PARP16: variants seen among roughly 807,000 people sequenced by gnomAD.
PARP16 encodes protein mono-ADP-ribosyltransferase PARP16.
A neutral mutation model predicts 35.0 loss-of-function variants in PARP16; 31 were observed. The ratio of observed to expected loss-of-function variants is 0.88; its 90% CI spans 0.66 to 1.19. The LOEUF (loss-of-function observed/expected upper bound fraction) is 1.19. Ranked by LOEUF, PARP16 falls within the 50% of genes most tolerant of loss-of-function variation. The pLI, the probability that PARP16 is intolerant of heterozygous loss-of-function variation, is 0.00. For missense variants in PARP16, 424 were observed against 411.2 expected (o/e 1.03, Z -0.27); for synonymous variants, 162 against 169.5 (o/e 0.96, Z 0.34).
chr15:65,257,626 T>C (rs2140814212), downstream of PARP16, among the ~76,000 whole-genome samples: 1 of 89,546 alleles, frequency 1.1e-5, no homozygotes, highest in African/African-American at 5.1e-5. Flanking sequence ...CAAGACTCTG[T>C]CTCAAAAAAA....
Position 65,267,678 on chromosome 15 carries a change from C to CTTTTTTTTTTTTTTTTTT in PARP16, c.313-928_313-911dup, listed in dbSNP as rs556058787. On this transcript the variant is annotated intron_variant, in intron 2 of 5. Transcript: ENST00000649807. The stretch of plus-strand genomic sequence containing the variant: ...TGGAGATCACTTCTAATTTTCCTAA[C>CTTTTTTTTTTTTTTTTTT]TTTTTTTTTTTTTTTTTTTTTTTTT... 3.8e-5 allele frequency among the ~76,000 whole-genome samples: 2 copies of CTTTTTTTTTTTTTTTTTT among 53,034 alleles called. 1 individual carries two copies. Among genetic ancestry groups the CTTTTTTTTTTTTTTTTTT allele is most frequent in the Non-Finnish European group, 6.5e-5 (2 of 30,780 alleles). The allele number at this position is 53,034 out of a possible 152,430, so 34.8% of individuals were successfully genotyped here.
downstream of PARP16, among the ~76,000 whole-genome samples, chr15:65,256,365 T>C (rs754229762): frequency 1.6e-4 from 24 of 152,000 alleles, no homozygotes; most frequent in Non-Finnish European, 3.1e-4. Context: ...ATCTCATCAT[T>C]TTCTTGCTTA....
downstream of PARP16, among the ~76,000 whole-genome samples, chr15:65,255,812 G>A (rs1472019415): frequency 6.7e-6 from 1 of 150,086 alleles, no homozygotes; most frequent in Non-Finnish European, 1.5e-5. Context: ...GCCGGAATGA[G>A]AGGCCCACTC....
chr15:65,277,014 TTAAATTCAAATTTAAC>T (rs2090280459), intron 1 of PARP16, among the ~76,000 whole-genome samples: 1 of 152,154 alleles, frequency 6.6e-6, no homozygotes, highest in Non-Finnish European at 1.5e-5. Context: ...GTTGCTCATC[TTAAATTCAAATTTAAC>T]TAGGTGGCCT....
At chr15:65,280,874 A>G (rs2090401910) in intron 1 of PARP16, among the ~76,000 whole-genome samples, 1 of 152,212 alleles carries the variant, frequency 6.6e-6, no homozygotes, top group Admixed American at 6.5e-5. Flanking sequence ...TTGGCACCCC[A>G]AATGAGAACA....
intron 3 of PARP16, among the ~76,000 whole-genome samples, chr15:65,246,904 T>C (rs1479741131): frequency 6.6e-6 from 1 of 152,168 alleles, no homozygotes; most frequent in Non-Finnish European, 1.5e-5. Flanking sequence ...AACCCAACAT[T>C]TGTAAGATAT....
chr15:65,259,775 G>C (rs899091260), intron 5 of PARP16, among the ~76,000 whole-genome samples: 1 of 152,174 alleles, frequency 6.6e-6, no homozygotes, highest in East Asian at 1.9e-4. Context: ...TATGCAATGA[G>C]CTCATCCTGA....
chr15:65,284,337 CTTTTTTTTTTT>C (rs34254507), intron 1 of PARP16, among the ~76,000 whole-genome samples: 13 of 67,078 alleles, frequency 1.9e-4, no homozygotes, highest in Middle Eastern at 0.01. Context: ...TTTCTTTCCT[CTTTTTTTTTTT>C]TTTTTTTTTT....
intron 1 of PARP16, among the ~76,000 whole-genome samples, chr15:65,272,966 TG>T (rs879317279): frequency 6.6e-6 from 1 of 152,106 alleles, no homozygotes; most frequent in Non-Finnish European, 1.5e-5. Context: ...TTGCAAGGGA[TG>T]TAGTTGGCAC....
At chr15:65,254,680 G>A (rs1451622681), downstream of PARP16, among the ~76,000 whole-genome samples, 1 of 152,188 alleles carries the variant, frequency 6.6e-6, no homozygotes, top group African/African-American at 2.4e-5. Flanking sequence ...GATGAATGCT[G>A]CTGACTCCAT....
intron 1 of PARP16, among the ~76,000 whole-genome samples, chr15:65,278,678 C>T (rs1030006457): frequency 6.6e-6 from 1 of 152,106 alleles, no homozygotes; most frequent in African/African-American, 2.4e-5. Flanking sequence ...GATGTGGGTA[C>T]AAGTGATTCT....
At chr15:65,235,764 G>A (rs1056541125) in intron 3 of PARP16, among the ~76,000 whole-genome samples, 4 of 149,682 alleles carry the variant, frequency 2.7e-5, no homozygotes, top group Admixed American at 2.0e-4. Flanking sequence ...CTGTTTAATC[G>A]CTCAACTTAC....
intron 3 of PARP16, among the ~76,000 whole-genome samples, chr15:65,238,001 A>T (rs1168393019): frequency 6.6e-6 from 1 of 152,106 alleles, no homozygotes; most frequent in African/African-American, 2.4e-5. Context: ...CCATTCATTT[A>T]TTGGCTGGAC....
downstream of PARP16, among the ~76,000 whole-genome samples, chr15:65,232,459 TACA>T (rs2140700615): frequency 6.6e-6 from 1 of 152,368 alleles, no homozygotes; most frequent in African/African-American, 2.4e-5. Context: ...AAAATGTGTG[TACA>T]ACATTGTGCT....
At chr15:65,246,544 G>A (rs1273793961) in intron 3 of PARP16, among the ~76,000 whole-genome samples, 2 of 152,224 alleles carry the variant, frequency 1.3e-5, no homozygotes, top group East Asian at 1.9e-4. Context: ...AGACATGTCA[G>A]GGAGCTTGAA....
intron 3 of PARP16, among the ~76,000 whole-genome samples, chr15:65,243,094 C>CT (rs1214476010): frequency 6.6e-6 from 1 of 152,114 alleles, no homozygotes; most frequent in Non-Finnish European, 1.5e-5. Context: ...GACAGTTTTA[C>CT]TTTTTTCTTT....
chr15:65,286,711 G>A lies in PARP16; in HGVS notation c.-285C>T. ...AGGGATAAAGGAACTGGGGCTGGTG[G>A]GGGGGAGGGGTTCCCGGCCTAGGGG... On this transcript the variant is annotated 5_prime_UTR_variant, in exon 1 of 6. Coordinates refer to ENST00000649807, the MANE Select transcript of PARP16 (RefSeq NM_001316943.2). The A allele has an allele frequency of 2.7e-6, 1 of 373,528 alleles. No homozygotes were observed. The highest frequency in any genetic ancestry group is 4.8e-6 in the Non-Finnish European group (1 of 207,720). The allele number at this position is 373,528 out of a possible 1,614,324, so 23.1% of individuals were successfully genotyped here.
chr15:65,286,469 G>C lies in PARP16; in HGVS notation c.-43C>G. On this transcript the variant is annotated 5_prime_UTR_variant, in exon 1 of 6. Transcript: ENST00000649807. ...TGCCGGGGTAGACGCGCTGGTTAGG[G>C]GCAAGGGCGAGCGTGCGTTCAGCGC... The C allele has an allele frequency of 7.2e-7, 1 of 1,382,126 alleles. No homozygotes were observed. The highest frequency in any genetic ancestry group is 9.4e-7 in the Non-Finnish European group (1 of 1,062,390). The allele number at this position is 1,382,126 out of a possible 1,614,324, so 85.6% of individuals were successfully genotyped here.
chr15:65,275,828 T>A (rs1282047563), intron 1 of PARP16, among the ~76,000 whole-genome samples: 1 of 152,200 alleles, frequency 6.6e-6, no homozygotes, highest in Non-Finnish European at 1.5e-5. Flanking sequence ...CCTTCTTTTC[T>A]ATTCCTTGTT....
Sources: allele counts gnomAD v4.1 joint callset (sites outside exome capture counted in the v4.1 genomes callset), GRCh38; gene constraint gnomAD v4.1.1; transcripts MANE v1.5; gene names NCBI Gene and HGNC (gene_info 2026-07-23, HGNC 2026-07-21).